Variants in ATL1 observed in about 807,000 individuals in gnomAD.
The protein encoded by ATL1 is atlastin GTPase 1, also known as atlastin-1.
ATL1 carries 31 observed loss-of-function variants against 75.5 expected under a neutral mutation model. The observed-to-expected ratio is 0.41, with a 90% CI of 0.31 to 0.55. ATL1 has a LOEUF of 0.55. ATL1 is among the 20% of genes least tolerant of loss of function. ATL1 has a pLI of 0.27. For synonymous variants in ATL1, 226 were observed against 233.3 expected, an observed-to-expected ratio of 0.97 and a Z score of 0.28; for missense variants, 405 against 662.6, an observed-to-expected ratio of 0.61 and a Z score of 4.27.
intron 2 of ATL1, among the ~76,000 whole-genome samples, chr14:50,590,719 T>A (rs1199059514): frequency 2.6e-5 from 4 of 152,300 alleles, no homozygotes; most frequent in Admixed American, 2.6e-4. Context: ...TGCAATGATA[T>A]CTTTTCATTT....
At chr14:50,601,797 T>C (rs2039274355) in intron 6 of ATL1, among the ~76,000 whole-genome samples, 1 of 152,228 alleles carries the variant, frequency 6.6e-6, no homozygotes, top group African/African-American at 2.4e-5. Flanking sequence ...TTATATTAGC[T>C]TCTTTACCTT....
chr14:50,587,916 C>T lies in ATL1; in HGVS notation c.120C>T (p.Val40=). The change falls in exon 2 of 14, where the codon GTC becomes GTT. Residue 40 remains valine, a synonymous_variant. Coordinates refer to ENST00000358385, the MANE Select transcript of ATL1 (RefSeq NM_015915.5). ...CAGGACCAGTCCAAGTCCTCATTGT[C>T]AAAGATGACCATTCCTTTGAGTTAG... ...KKAGPVQVLI[V]KDDHSFELDE... The T allele has an allele frequency of 6.2e-7, 1 of 1,614,064 alleles. No homozygotes were observed. The highest frequency in any genetic ancestry group is 1.1e-5 in the South Asian group (1 of 91,072).
At chr14:50,609,948 C>G (rs1034996054) in intron 6 of ATL1, among the ~76,000 whole-genome samples, 6 of 151,804 alleles carry the variant, frequency 4.0e-5, no homozygotes, top group African/African-American at 1.5e-4. Flanking sequence ...ATTCCTCATT[C>G]TAAATAAATA....
chr14:50,535,196 G>A (rs896233143), intron 1 of ATL1, among the ~76,000 whole-genome samples: 14 of 152,168 alleles, frequency 9.2e-5, no homozygotes, highest in African/African-American at 2.9e-4. Context: ...TTCTTTGAAA[G>A]TTCTTCAGTA....
In ATL1 at chr14:50,591,030, G is replaced by C; in HGVS notation, c.372G>C (p.Gln124His). 6.2e-7 allele frequency: 1 copy of C among 1,613,740 alleles called. No homozygotes were observed. Among genetic ancestry groups the C allele is most frequent in the Non-Finnish European group, 8.5e-7 (1 of 1,179,842 alleles). ...CTGAGCGAGAGACCACAGGAATTCA[G>C]ATATGGAGTGAAATCTTCCTTATCA... is the stretch of plus-strand genomic sequence containing the variant. The part of the protein sequence containing the change: ...GGSERETTGI[Q>H]IWSEIFLINK... The change falls in exon 3 of 14, where the codon CAG (glutamine) becomes CAC (histidine). Residue 124 changes from glutamine (Q) to histidine (H), a missense_variant. This residue lies in a region of ATL1 where 126 missense variants were observed against 172.0 expected (regional missense o/e 0.73). Coordinates refer to ENST00000358385, the MANE Select transcript of ATL1 (RefSeq NM_015915.5).
intron 1 of ATL1, among the ~76,000 whole-genome samples, chr14:50,568,540 A>C (rs1254271086): frequency 6.6e-6 from 1 of 152,094 alleles, no homozygotes; most frequent in Non-Finnish European, 1.5e-5. Flanking sequence ...CCACCCTACC[A>C]CTTTCAATCT....
chr14:50,587,882 T>C lies in ATL1; in HGVS notation c.86T>C (p.Val29Ala), dbSNP rs2140201745. The part of the protein sequence containing the change: ...YEWSSEEEEP[V>A]KKAGPVQVLI... Reference sequence around the variant, plus strand: ...TGGAGCTCAGAAGAGGAGGAGCCAGTGAAAAAGGCAGGACCAGTCCAAGTC... The same window carrying C: ...TGGAGCTCAGAAGAGGAGGAGCCAGCGAAAAAGGCAGGACCAGTCCAAGTC... The change falls in exon 2 of 14, where the codon GTG (valine) becomes GCG (alanine). Residue 29 changes from valine to alanine, a missense_variant. Around this residue, in one of 5 missense-constraint regions of ATL1, gnomAD observed 126 missense variants for 172.0 expected, o/e 0.73. Coordinates refer to ENST00000358385, the MANE Select transcript of ATL1 (RefSeq NM_015915.5). The C allele has an allele frequency of 6.2e-7, 1 of 1,614,100 alleles. No individual in the cohort carries two copies. Among genetic ancestry groups the C allele is most frequent in the Non-Finnish European group, 8.5e-7 (1 of 1,180,028 alleles).
chr14:50,560,546 C>T (rs1335970449), intron 1 of ATL1: 2 of 552,532 alleles, frequency 3.6e-6, no homozygotes, highest in Non-Finnish European at 6.5e-6. Flanking sequence ...GCTCCTTCTT[C>T]CCCACCCCCC....
intron 6 of ATL1, among the ~76,000 whole-genome samples, chr14:50,595,968 A>G (rs1012778140): frequency 1.3e-5 from 2 of 152,040 alleles, no homozygotes; most frequent in African/African-American, 4.8e-5. Context: ...TCATTTATGT[A>G]CAAAAATTAA....
At chr14:50,534,467 A>T (rs1343742886) in intron 1 of ATL1, among the ~76,000 whole-genome samples, 2 of 152,278 alleles carry the variant, frequency 1.3e-5, no homozygotes. Context: ...CTGAATGCCC[A>T]GTTTGAGACG....
At chr14:50,598,958 G>T (rs936331058) in intron 6 of ATL1, among the ~76,000 whole-genome samples, 1 of 152,124 alleles carries the variant, frequency 6.6e-6, no homozygotes, top group Non-Finnish European at 1.5e-5. Flanking sequence ...ATGGATCAAA[G>T]AACTAAATAT....
At chr14:50,555,710 T>G (rs1418085168), upstream of ATL1, among the ~76,000 whole-genome samples, 1 of 152,234 alleles carries the variant, frequency 6.6e-6, no homozygotes, top group Admixed American at 6.5e-5. Flanking sequence ...CAAAGCTATA[T>G]CCTAACTAAT....
intron 2 of ATL1, among the ~76,000 whole-genome samples, chr14:50,588,685 A>G (rs1051556308): frequency 1.3e-5 from 2 of 152,110 alleles, no homozygotes; most frequent in African/African-American, 2.4e-5. Context: ...TCAAGAGATC[A>G]ATACCATCCT....
intron 6 of ATL1, among the ~76,000 whole-genome samples, chr14:50,607,991 T>C (rs2140221429): frequency 6.6e-6 from 1 of 152,216 alleles, no homozygotes; most frequent in African/African-American, 2.4e-5. Flanking sequence ...CTGAAAGATA[T>C]AGTCTCCAAA....
At position 50,629,995 on chromosome 14, in the gene ATL1, G is replaced by A; in HGVS notation, c.1552G>A (p.Gly518Arg). ...DQVAAALWDQ[G>R]STNEALYKLY... Reference sequence around the variant, plus strand: ...TCTTTTTAATCTGCCTTTGCCACAGGGAAGTACAAATGAGGTAAGTTAAAT... The same window carrying A: ...TCTTTTTAATCTGCCTTTGCCACAGAGAAGTACAAATGAGGTAAGTTAAAT... Residue 518 changes from glycine to arginine, a missense_variant and splice_region_variant, in exon 13 of 14, where the codon GGA becomes AGA. Gly to Arg is a moderately radical substitution (Grantham distance 125, BLOSUM62 -2). This residue lies in a region of ATL1 where 163 missense variants were observed against 244.1 expected (regional missense o/e 0.67). Transcript: ENST00000358385. The A allele has an allele frequency of 6.3e-7, 1 of 1,593,546 alleles. No homozygotes were observed. The highest frequency in any genetic ancestry group is 8.6e-7 in the Non-Finnish European group (1 of 1,165,938).
chr14:50,588,927 A>T (rs991376336), intron 2 of ATL1, among the ~76,000 whole-genome samples: 1 of 152,138 alleles, frequency 6.6e-6, no homozygotes, highest in Non-Finnish European at 1.5e-5. Flanking sequence ...GTAATACCTT[A>T]TTGGAAAAAT....
intron 8 of ATL1, among the ~76,000 whole-genome samples, chr14:50,618,649 T>C (rs1263187602): frequency 6.6e-6 from 1 of 152,110 alleles, no homozygotes; most frequent in Non-Finnish European, 1.5e-5. Context: ...GGGGCTATAA[T>C]AAAGGGGAAA....
chr14:50,623,753 A>C (rs2039490589), intron 11 of ATL1, among the ~76,000 whole-genome samples: 1 of 152,172 alleles, frequency 6.6e-6, no homozygotes, highest in African/African-American at 2.4e-5. Context: ...TTTCTCTTGA[A>C]AATGTTATGA....
At chr14:50,614,888 TAG>T (rs981960988) in intron 8 of ATL1, among the ~76,000 whole-genome samples, 3 of 152,220 alleles carry the variant, frequency 2.0e-5, no homozygotes, top group African/African-American at 4.8e-5. Flanking sequence ...GTTATGTAAT[TAG>T]AGATTGAAAG....
Sources: gnomAD v4.1 joint callset for allele counts (sites outside exome capture counted in the v4.1 genomes callset) on GRCh38, gnomAD v4.1.1 for gene constraint, gnomAD v4.1.1 regional missense constraint, MANE v1.5 for transcripts, NCBI Gene and HGNC (gene_info 2026-07-23, HGNC 2026-07-21) for gene names.